Variants in ABCA5 observed in about 807,000 individuals in gnomAD.
The protein encoded by ABCA5 is cholesterol transporter ABCA5.
In ABCA5, 163 loss-of-function variants were observed where a neutral mutation model predicts 206.0. That is an observed-to-expected ratio of 0.79 (90% CI 0.70 to 0.90). The LOEUF is 0.90. Among genes scored for constraint, ABCA5 ranks in the 40% least tolerant of loss-of-function variants. ABCA5 has a pLI of 0.00. For synonymous variants in ABCA5, 609 were observed against 613.8 expected, an observed-to-expected ratio of 0.99 and a Z score of 0.11; for missense variants, 1,859 against 1,912.9, an observed-to-expected ratio of 0.97 and a Z score of 0.53.
intron 1 of ABCA5, among the ~76,000 whole-genome samples, chr17:69,319,745 T>C (rs1370449500): frequency 6.6e-6 from 1 of 152,230 alleles, no homozygotes; most frequent in African/African-American, 2.4e-5. Flanking sequence ...ATGTGAAATG[T>C]CCTATTATCT....
chr17:69,286,101 G>T, intron 16 of ABCA5, 64 bp from the exon 17 acceptor site: 4 of 1,566,248 alleles, frequency 2.6e-6, no homozygotes, highest in Non-Finnish European at 3.5e-6. Flanking sequence ...AAATTATGAA[G>T]GCTTTAAATT....
chr17:69,263,429 T>C (rs2075171410), intron 24 of ABCA5, among the ~76,000 whole-genome samples: 1 of 152,178 alleles, frequency 6.6e-6, no homozygotes, highest in Non-Finnish European at 1.5e-5. Flanking sequence ...GGAGGTCCAA[T>C]TTCATTCTTC....
chr17:69,282,655 G>A, intron 18 of ABCA5, among the ~76,000 whole-genome samples: 1 of 122,272 alleles, frequency 8.2e-6, no homozygotes, highest in East Asian at 2.2e-4. Context: ...TGTAATCCCA[G>A]CTGTTTGGGA....
intron 7 of ABCA5, among the ~76,000 whole-genome samples, chr17:69,303,626 GA>G (rs1156412053): frequency 1.3e-3 from 175 of 132,274 alleles, no homozygotes; most frequent in Admixed American, 2.3e-3. Context: ...AGTTTAAAAA[GA>G]AAAAAAAAAC....
rs762215633 is a variant in ABCA5 at position 69,285,950 on chromosome 17, A to G, written c.2220T>C (p.Asn740=). ...GCAAGCTATACACAAGTTGTTGGTCATTCTGTTGTAATAAAGTAGCTCCAG... is the reference window on the plus strand; with the variant it reads ...GCAAGCTATACACAAGTTGTTGGTCGTTCTGTTGTAATAAAGTAGCTCCAG... The part of the protein sequence containing the change: ...HIPGATLLQQ[N]DQQLVYSLPF... Residue 740 remains asparagine, a synonymous_variant, in exon 17 of 39, where the codon AAT becomes AAC. Transcript: ENST00000392676. 1.2e-6 allele frequency: 2 copies of G among 1,613,360 alleles called. No homozygotes were observed. The highest frequency in any genetic ancestry group is 1.7e-6 in the Non-Finnish European group (2 of 1,179,576).
rs149619895 is a variant in ABCA5, at chr17:69,261,189, T to C, written c.3500A>G (p.His1167Arg). The change falls in exon 26 of 39, where the codon CAT becomes CGT. Residue 1167 changes from histidine to arginine, a missense_variant. Physicochemically the swap from His to Arg is conservative, Grantham distance 29. Coordinates refer to ENST00000392676, the MANE Select transcript of ABCA5 (RefSeq NM_172232.4). Reference sequence around the variant, plus strand: ...TGGAATGATGATACAAAAGGCATAATGAAGAATAGTTGCAATTGTGTATCC... The same window carrying C: ...TGGAATGATGATACAAAAGGCATAACGAAGAATAGTTGCAATTGTGTATCC... ...FMGYTIATIL[H>R]YAFCIIIPIY... 2.6e-5 allele frequency: 42 copies of C among 1,608,776 alleles called. No homozygotes were observed. In the African/African-American group the frequency reaches 5.2e-4, roughly 20 times the overall value.
intron 1 of ABCA5, among the ~76,000 whole-genome samples, chr17:69,321,317 G>C (rs2075863638): frequency 6.6e-6 from 1 of 152,174 alleles, no homozygotes; most frequent in Non-Finnish European, 1.5e-5. Flanking sequence ...CGGTGTTCCT[G>C]ACAGAAGCAT....
intron 8 of ABCA5, among the ~76,000 whole-genome samples, chr17:69,301,600 A>G (rs1241992676): frequency 6.6e-6 from 1 of 152,198 alleles, no homozygotes; most frequent in Non-Finnish European, 1.5e-5. Context: ...ACAAACTGCA[A>G]TATTAATAAT....
intron 18 of ABCA5, among the ~76,000 whole-genome samples, 183 bp from the exon 19 acceptor site, chr17:69,278,025 C>A (rs1392236538): frequency 6.6e-6 from 1 of 152,000 alleles, no homozygotes; most frequent in African/African-American, 2.4e-5. Context: ...AAGAGATCCC[C>A]AACAGGTATA....
intron 10 of ABCA5, among the ~76,000 whole-genome samples, chr17:69,295,763 C>T (rs1274960363): frequency 6.6e-6 from 1 of 152,016 alleles, no homozygotes; most frequent in Admixed American, 6.6e-5. Context: ...ATATTTTATG[C>T]ATTCATGACA....
chr17:69,322,363 CAAAAA>C (rs3029978), intron 1 of ABCA5, among the ~76,000 whole-genome samples: 1 of 52,390 alleles, frequency 1.9e-5, no homozygotes, highest in African/African-American at 8.3e-5. Context: ...GATTCCGTCT[CAAAAA>C]AAAAAAAAAA....
At chr17:69,260,279 C>A in intron 27 of ABCA5, 59 bp downstream of exon 27, 1 of 1,308,558 alleles carries the variant, frequency 7.6e-7, no homozygotes, top group Non-Finnish European at 1.1e-6. Flanking sequence ...TAGTTAAAAC[C>A]ATAGGACCAA....
chr17:69,308,339 G>A lies in ABCA5; in HGVS notation c.499C>T (p.Gln167Ter). The A allele has an allele frequency of 6.2e-7, 1 of 1,612,134 alleles. No homozygotes were observed. Among genetic ancestry groups the A allele is most frequent in the Non-Finnish European group, 8.5e-7 (1 of 1,178,646 alleles). The change falls in exon 5 of 39, where the codon CAG becomes TAG. Residue 167 changes from glutamine to a stop codon, truncating the protein, a stop_gained. Coordinates refer to ENST00000392676, the MANE Select transcript of ABCA5 (RefSeq NM_172232.4). LOFTEE classifies it high-confidence loss of function. ...ACTGTGAAACCTGAGGACCAGTACT[G>A]AGCAGCCTCACATGATTTTGAACAG... The part of the protein sequence containing the change: ...AGCSKSCEAA[Q>*]YWSSGFTVLQ...
At position 69,302,840 on chromosome 17, in the gene ABCA5, A is replaced by C; in HGVS notation, c.997T>G (p.Phe333Val). 1 of 1,593,650 alleles carries C rather than the reference A, an allele frequency of 6.3e-7. No homozygotes were observed. Among genetic ancestry groups the C allele is most frequent in the Non-Finnish European group, 8.5e-7 (1 of 1,174,458 alleles). ...KSKHVGIVEF[F>V]VTVAFGFIGL... Reference sequence around the variant, plus strand: ...ATAAATCCAAAAGCCACAGTAACAAAAAATTCAACTATTCCCACATGTTTT... The same window carrying C: ...ATAAATCCAAAAGCCACAGTAACAACAAATTCAACTATTCCCACATGTTTT... Residue 333 changes from phenylalanine (F) to valine (V), a missense_variant, in exon 8 of 39, where the codon TTT becomes GTT. Physicochemically the swap from Phe to Val is conservative, Grantham distance 50. Transcript: ENST00000392676.
Position 69,292,017 on chromosome 17 carries a change from G to T in ABCA5, c.1496-691C>A, listed in dbSNP as rs551051449. Among the ~76,000 whole-genome samples the T allele has an allele frequency of 2.1e-3, 322 of 152,222 alleles. 5 individuals are homozygous for T. The highest frequency in any genetic ancestry group is 1.2e-3 in the South Asian group (6 of 4,828). On this transcript the variant is annotated intron_variant, in intron 11 of 38. Coordinates refer to ENST00000392676, the MANE Select transcript of ABCA5 (RefSeq NM_172232.4). ...CCAGCTACTCGGAAGGCTGAGGTGG[G>T]AGAATCACCTGAGCTTGGGAAGTCA...
Position 69,274,078 on chromosome 17 carries a change from A to G in ABCA5, c.2645T>C (p.Val882Ala). ...CACAGCATTTTTAAAAGAGTGATGA[A>G]CCAAAAACATAAAAATCTGAACTGT... ...FFTVQIFMFLVHHSFKNAVVP... is the reference protein window; with the variant it reads ...FFTVQIFMFLAHHSFKNAVVP... Residue 882 changes from valine (V) to alanine (A), a missense_variant, in exon 20 of 39, where the codon GTT (valine) becomes GCT (alanine). By Grantham distance (64) the Val-to-Ala change is moderately conservative. Transcript: ENST00000392676. The G allele has an allele frequency of 6.2e-7, 1 of 1,600,546 alleles. No individual in the cohort carries two copies. The highest frequency in any genetic ancestry group is 1.1e-5 in the South Asian group (1 of 87,432).
intron 32 of ABCA5, among the ~76,000 whole-genome samples, chr17:69,254,112 A>G (rs990102744): frequency 6.6e-6 from 1 of 152,234 alleles, no homozygotes; most frequent in Non-Finnish European, 1.5e-5. Context: ...CTGTAACTAG[A>G]AATTAAAAAA....
intron 19 of ABCA5, among the ~76,000 whole-genome samples, chr17:69,275,692 C>A (rs1184139761): frequency 6.6e-6 from 1 of 152,002 alleles, no homozygotes; most frequent in Non-Finnish European, 1.5e-5. Context: ...TGTATTTGAC[C>A]ATGGAACACA....
At chr17:69,302,358 T>C (rs189368100) in intron 8 of ABCA5, among the ~76,000 whole-genome samples, 135 of 152,300 alleles carry the variant, frequency 8.9e-4, no homozygotes, top group African/African-American at 3.1e-3. Flanking sequence ...TTTTCTCCCA[T>C]GCATTCTTCT....
Sources: allele counts gnomAD v4.1 joint callset (sites outside exome capture counted in the v4.1 genomes callset), GRCh38; gene constraint gnomAD v4.1.1; transcripts MANE v1.5; gene names NCBI Gene and HGNC (gene_info 2026-07-23, HGNC 2026-07-21).